Variants in PDE11A observed in about 807,000 individuals in gnomAD.
PDE11A encodes dual 3',5'-cyclic-AMP and -GMP phosphodiesterase 11A.
In PDE11A, 100 loss-of-function variants were observed where a neutral mutation model predicts 100.5. That is an observed-to-expected ratio of 1.00 (90% CI 0.85 to 1.18). The LOEUF (loss-of-function observed/expected upper bound fraction) is 1.18, where lower values mean the gene tolerates loss of function less well. Ranked by LOEUF, PDE11A falls within the 50% of genes most tolerant of loss-of-function variation. The pLI is 0.00. For synonymous variants in PDE11A, 381 were observed against 420.8 expected (o/e 0.91, Z 1.16); for missense variants, 1,141 against 1,152.6 (o/e 0.99, Z 0.15).
chr2:177,735,412 C>A (rs1438036), intron 10 of PDE11A, among the ~76,000 whole-genome samples: 75,860 of 126,010 alleles, frequency 0.6, 22,557 homozygotes, highest in East Asian at 0.85. Context: ...AAAAAAAAAA[C>A]CCCAAAAAAC....
chr2:177,779,132 T>A (rs555234031), intron 9 of PDE11A, among the ~76,000 whole-genome samples: 28 of 152,328 alleles, frequency 1.8e-4, no homozygotes, highest in African/African-American at 6.7e-4. Flanking sequence ...ATAAAAGTTA[T>A]GTTTATACTA....
At chr2:177,977,853 G>T (rs2085830154) in intron 2 of PDE11A, among the ~76,000 whole-genome samples, 1 of 109,722 alleles carries the variant, frequency 9.1e-6, no homozygotes, top group Admixed American at 9.6e-5. Flanking sequence ...AAATGGTGCT[G>T]GGAAAACTGG....
chr2:177,692,687 C>T (rs1303273205), intron 15 of PDE11A, among the ~76,000 whole-genome samples: 1 of 152,098 alleles, frequency 6.6e-6, no homozygotes, highest in Non-Finnish European at 1.5e-5. Context: ...ATCATTAACC[C>T]CCAGGCTCAG....
intron 12 of PDE11A, among the ~76,000 whole-genome samples, chr2:177,727,303 G>C (rs2081614397): frequency 6.6e-6 from 1 of 152,244 alleles, no homozygotes; most frequent in African/African-American, 2.4e-5. Context: ...CACCAGCCAA[G>C]AGAGTCATAT....
intron 1 of PDE11A, among the ~76,000 whole-genome samples, chr2:178,033,765 AAAG>A (rs1435462163): frequency 2.0e-5 from 3 of 152,186 alleles, no homozygotes; most frequent in Non-Finnish European, 4.4e-5. Flanking sequence ...TAAACAAAAA[AAAG>A]TTTTCAACCC....
intron 2 of PDE11A, among the ~76,000 whole-genome samples, chr2:178,000,362 A>G (rs1017931265): frequency 2.1e-4 from 32 of 152,236 alleles, no homozygotes; most frequent in Non-Finnish European, 5.9e-5. Context: ...TTTAAACAGC[A>G]TATTCCATAA....
chr2:177,824,512 G>A (rs1344923), intron 6 of PDE11A, among the ~76,000 whole-genome samples: 60,763 of 152,052 alleles, frequency 0.4, 14,974 homozygotes, highest in East Asian at 0.61. Flanking sequence ...TGTGTGAACA[G>A]ATTTCTACAA....
intron 2 of PDE11A, among the ~76,000 whole-genome samples, chr2:178,079,352 TC>T (rs2087255228): frequency 1.3e-5 from 2 of 152,100 alleles, no homozygotes; most frequent in East Asian, 3.9e-4. Context: ...CCATGTGTTC[TC>T]ATTGTTCAGC....
At chr2:178,078,241 G>A (rs1188829735) in intron 2 of PDE11A, among the ~76,000 whole-genome samples, 1 of 151,826 alleles carries the variant, frequency 6.6e-6, no homozygotes, top group Non-Finnish European at 1.5e-5. Context: ...CACATATTAT[G>A]TTTCCTGCTT....
chr2:177,940,245 A>AT (rs34108864), intron 2 of PDE11A, among the ~76,000 whole-genome samples: 2 of 151,952 alleles, frequency 1.3e-5, no homozygotes, highest in Admixed American at 6.6e-5. Flanking sequence ...TCTTTTAAAG[A>AT]TTTTTTTTCA....
chr2:178,058,327 T>A (rs2086924962), intron 1 of PDE11A, among the ~76,000 whole-genome samples: 2 of 152,202 alleles, frequency 1.3e-5, no homozygotes, highest in Admixed American at 1.3e-4. Context: ...AATTCCCACA[T>A]GTTGTGGAAG....
intron 2 of PDE11A, among the ~76,000 whole-genome samples, chr2:177,981,587 C>T (rs1220475004): frequency 2.0e-5 from 3 of 150,616 alleles, no homozygotes; most frequent in African/African-American, 7.3e-5. Flanking sequence ...TTAGGGTCTA[C>T]CCTAATGAAC....
chr2:178,011,960 T>C (rs2086278983), intron 2 of PDE11A: 1 of 152,230 alleles, frequency 6.6e-6, no homozygotes, highest in African/African-American at 2.4e-5. Flanking sequence ...TTGGAAGAAA[T>C]ACTTTCCCGT....
At chr2:177,815,786 GAC>G (rs1019662417) in intron 9 of PDE11A, among the ~76,000 whole-genome samples, 3 of 152,298 alleles carry the variant, frequency 2.0e-5, no homozygotes, top group East Asian at 1.9e-4. Context: ...TATCTGGCTT[GAC>G]ACACAGAATA....
At chr2:177,702,939 T>C (rs4585066) in intron 13 of PDE11A, among the ~76,000 whole-genome samples, 2,608 of 152,294 alleles carry the variant, frequency 0.017, 68 homozygotes, top group African/African-American at 0.059. Context: ...TAATACTTAA[T>C]GTTAGTTACT....
chr2:177,919,104 T>G (rs78800962), intron 2 of PDE11A, among the ~76,000 whole-genome samples: 24 of 148,708 alleles, frequency 1.6e-4, no homozygotes, highest in Non-Finnish European at 3.1e-4. Context: ...GATTTAACAT[T>G]TTTTTTTTTT....
At chr2:177,860,851 C>A (rs1395622475) in intron 5 of PDE11A, among the ~76,000 whole-genome samples, 1 of 151,736 alleles carries the variant, frequency 6.6e-6, no homozygotes, top group Non-Finnish European at 1.5e-5. Context: ...ATGATTATCT[C>A]AATAGGCAAA....
At chr2:177,708,128 T>C (rs2081306544) in intron 13 of PDE11A, among the ~76,000 whole-genome samples, 1 of 152,162 alleles carries the variant, frequency 6.6e-6, no homozygotes, top group Non-Finnish European at 1.5e-5. Context: ...ACGTACACAA[T>C]GGGCTCCAGC....
intron 2 of PDE11A, among the ~76,000 whole-genome samples, chr2:177,906,626 T>C (rs1485082599): frequency 6.6e-6 from 1 of 152,162 alleles, no homozygotes; most frequent in East Asian, 1.9e-4. Context: ...GCAGATGTTT[T>C]GGGGATAAAT....
Sources: allele counts gnomAD v4.1 joint callset (sites outside exome capture counted in the v4.1 genomes callset), GRCh38; gene constraint gnomAD v4.1.1; transcripts MANE v1.5; gene names NCBI Gene and HGNC (gene_info 2026-07-23, HGNC 2026-07-21).